The following LRFN2 variants were observed in gnomAD, a reference collection of about 807,000 sequenced individuals.
LRFN2 encodes leucine rich repeat and fibronectin type III domain containing 2, also known as leucine-rich repeat and fibronectin type-III domain-containing protein 2.
In LRFN2, 18 loss-of-function variants were observed where a neutral mutation model predicts 37.3. That is an observed-to-expected ratio of 0.48 (90% CI 0.33 to 0.72). The LOEUF is 0.72. Among genes scored for constraint, LRFN2 ranks in the 30% least tolerant of loss-of-function variants. The pLI is 0.02. For missense variants in LRFN2, 1,006 were observed against 1,060.7 expected (o/e 0.95, Z 0.72); for synonymous variants, 556 against 466.6 (o/e 1.19, Z -2.47).
At chr6:40,556,801 C>T (rs562611542) in intron 1 of LRFN2, among the ~76,000 whole-genome samples, 1 of 151,314 alleles carries the variant, frequency 6.6e-6, no homozygotes, top group South Asian at 2.1e-4. Flanking sequence ...TGGCTGATTT[C>T]TTGAACTCCT....
intron 2 of LRFN2, among the ~76,000 whole-genome samples, chr6:40,394,672 C>T (rs900123686): frequency 3.3e-5 from 5 of 152,146 alleles, no homozygotes; most frequent in African/African-American, 4.8e-5. Flanking sequence ...GGCTGTGTCC[C>T]CACCCAAATC....
chr6:40,568,172 C>T (rs915718345), intron 1 of LRFN2, among the ~76,000 whole-genome samples: 2 of 152,196 alleles, frequency 1.3e-5, no homozygotes, highest in Non-Finnish European at 2.9e-5. Flanking sequence ...ATAACTAAGC[C>T]TCAGTCAAGG....
intron 1 of LRFN2, among the ~76,000 whole-genome samples, chr6:40,435,072 G>GAC (rs1763623997): frequency 7.3e-6 from 1 of 137,918 alleles, no homozygotes; most frequent in South Asian, 2.4e-4. Flanking sequence ...GAGAGAGAGA[G>GAC]AGAGAGAGAG....
chr6:40,483,395 G>C (rs184126485), intron 1 of LRFN2, among the ~76,000 whole-genome samples: 94 of 152,280 alleles, frequency 6.2e-4, no homozygotes, highest in Non-Finnish European at 1.2e-3. Context: ...CTTCCACCTT[G>C]GGGTTCACCC....
chr6:40,486,389 A>G (rs1561874729), intron 1 of LRFN2, among the ~76,000 whole-genome samples: 1 of 152,202 alleles, frequency 6.6e-6, no homozygotes, highest in Non-Finnish European at 1.5e-5. Context: ...AGCTGGATGC[A>G]TCTGTAACAA....
intron 1 of LRFN2, among the ~76,000 whole-genome samples, chr6:40,522,434 G>A (rs903599338): frequency 2.6e-5 from 4 of 152,128 alleles, no homozygotes; most frequent in Non-Finnish European, 5.9e-5. Flanking sequence ...CAATCTCAAG[G>A]GAAGCTGGAG....
intron 1 of LRFN2, among the ~76,000 whole-genome samples, chr6:40,477,899 TCAGA>T (rs1225715609): frequency 6.6e-6 from 1 of 152,208 alleles, no homozygotes; most frequent in Non-Finnish European, 1.5e-5. Flanking sequence ...GTTTAATTTA[TCAGA>T]CAATGCCACA....
intron 1 of LRFN2, among the ~76,000 whole-genome samples, chr6:40,460,793 T>A (rs536405198): frequency 6.6e-6 from 1 of 152,312 alleles, no homozygotes; most frequent in Non-Finnish European, 1.5e-5. Flanking sequence ...TCCCAGCTGC[T>A]TGAGGACAGC....
At chr6:40,470,270 A>T (rs1764562562) in intron 1 of LRFN2, among the ~76,000 whole-genome samples, 1 of 152,198 alleles carries the variant, frequency 6.6e-6, no homozygotes, top group African/African-American at 2.4e-5. Flanking sequence ...CAGGTAATAG[A>T]ACCCACAGAG....
At chr6:40,468,583 G>T (rs113343236) in intron 1 of LRFN2, among the ~76,000 whole-genome samples, 4 of 151,898 alleles carry the variant, frequency 2.6e-5, no homozygotes, top group Non-Finnish European at 5.9e-5. Flanking sequence ...TATGTGAAGC[G>T]CAAAGAGTAG....
Position 40,433,073 on chromosome 6 carries a change from G to A in LRFN2, c.41C>T (p.Ala14Val), listed in dbSNP as rs762639982. The A allele has an allele frequency of 1.5e-5, 23 of 1,535,770 alleles. No individual in the cohort carries two copies. The highest frequency in any genetic ancestry group is 9.0e-5 in the South Asian group (7 of 77,584). ...GGGGCAGGCGTCGACCACGGCAAAC[G>A]CCATGCCAAACGCTAGCAGGCCACC... Reference protein sequence around the residue: ...LLGGLLAFGMAFAVVDACPKY... With the variant: ...LLGGLLAFGMVFAVVDACPKY... Residue 14 changes from alanine to valine, a missense_variant, in exon 2 of 3, where the codon GCG (alanine) becomes GTG (valine). Ala to Val is a moderately conservative substitution (Grantham distance 64). Around this residue, in one of 4 missense-constraint regions of LRFN2, gnomAD observed 185 missense variants for 254.9 expected, o/e 0.73. Transcript: ENST00000338305.
At chr6:40,523,713 T>A (rs1169056957) in intron 1 of LRFN2, 1 of 152,118 alleles carries the variant, frequency 6.6e-6, no homozygotes, top group Non-Finnish European at 1.5e-5. Context: ...CATGAACACA[T>A]GAAGCTTGCT....
At chr6:40,440,510 A>G (rs1763808743) in intron 1 of LRFN2, among the ~76,000 whole-genome samples, 1 of 152,162 alleles carries the variant, frequency 6.6e-6, no homozygotes, top group South Asian at 2.1e-4. Context: ...GAATGAATGA[A>G]TGAATGGATG....
chr6:40,557,051 C>T (rs914534188), intron 1 of LRFN2, among the ~76,000 whole-genome samples: 14 of 152,164 alleles, frequency 9.2e-5, no homozygotes, highest in African/African-American at 2.9e-4. Flanking sequence ...AGTCTGGCTC[C>T]CCCATCCCCA....
At chr6:40,398,073 C>A (rs933215783) in intron 2 of LRFN2, among the ~76,000 whole-genome samples, 2 of 151,964 alleles carry the variant, frequency 1.3e-5, no homozygotes, top group African/African-American at 4.8e-5. Flanking sequence ...CAATGAATAG[C>A]TTGAGGAGCC....
intron 1 of LRFN2, among the ~76,000 whole-genome samples, chr6:40,447,784 C>T (rs577334428): frequency 6.6e-5 from 10 of 152,206 alleles, no homozygotes; most frequent in Admixed American, 3.9e-4. Context: ...CTCTGGGTGG[C>T]CTACCTAGTA....
chr6:40,533,374 A>AACACACACACACACACACAC (rs58462773), intron 1 of LRFN2, among the ~76,000 whole-genome samples: 7 of 143,066 alleles, frequency 4.9e-5, no homozygotes, highest in African/African-American at 1.8e-4. Flanking sequence ...TCTTGCTCAA[A>AACACACACACACACACACAC]ACACACACAC....
At chr6:40,485,062 G>A (rs1261990645) in intron 1 of LRFN2, among the ~76,000 whole-genome samples, 1 of 152,228 alleles carries the variant, frequency 6.6e-6, no homozygotes, top group Non-Finnish European at 1.5e-5. Context: ...CCAACCTTGT[G>A]TAGGAAAGAA....
intron 1 of LRFN2, among the ~76,000 whole-genome samples, chr6:40,549,629 T>C (rs1341299026): frequency 6.6e-6 from 1 of 152,230 alleles, no homozygotes; most frequent in Non-Finnish European, 1.5e-5. Context: ...CTGGTAGGGA[T>C]GGAAAAGTGA....
Sources: allele counts gnomAD v4.1 joint callset (sites outside exome capture counted in the v4.1 genomes callset), GRCh38; gene constraint gnomAD v4.1.1; regional missense constraint gnomAD v4.1.1; transcripts MANE v1.5; gene names NCBI Gene and HGNC (gene_info 2026-07-23, HGNC 2026-07-21).